ZNF654: variants seen among roughly 807,000 people sequenced by gnomAD.
ZNF654 encodes zinc finger protein 654.
A neutral mutation model predicts 95.3 loss-of-function variants in ZNF654; 19 were observed. The ratio of observed to expected loss-of-function variants is 0.20; its 90% CI spans 0.14 to 0.29. The LOEUF is 0.29. ZNF654 is among the 10% of genes least tolerant of loss of function. ZNF654 has a pLI of 1.00. For missense variants in ZNF654, 1,046 were observed against 1,341.0 expected (o/e 0.78, Z 3.44); for synonymous variants, 413 against 457.9 (o/e 0.90, Z 1.25).
intron 2 of ZNF654, among the ~76,000 whole-genome samples, chr3:88,101,495 A>G (rs1376413644): frequency 6.6e-6 from 1 of 152,134 alleles, no homozygotes; most frequent in Non-Finnish European, 1.5e-5. Context: ...AATGTTCTTG[A>G]GGTTTACCTA....
At chr3:88,078,813 T>C (rs549822151) in intron 1 of ZNF654, among the ~76,000 whole-genome samples, 1 of 152,218 alleles carries the variant, frequency 6.6e-6, no homozygotes, top group African/African-American at 2.4e-5. Context: ...ATTAGTATTA[T>C]TAACTGACTT....
intron 2 of ZNF654, among the ~76,000 whole-genome samples, chr3:88,099,295 A>T (rs1007456466): frequency 6.7e-6 from 1 of 149,900 alleles, no homozygotes; most frequent in Non-Finnish European, 1.5e-5. Context: ...GACCTCTTCA[A>T]GGAGAACTGC....
chr3:88,060,835 C>T (rs1191203413), intron 1 of ZNF654, among the ~76,000 whole-genome samples: 3 of 151,636 alleles, frequency 2.0e-5, no homozygotes, highest in South Asian at 2.1e-4. Flanking sequence ...TAAGAATTCC[C>T]TTACAAGCAT....
chr3:88,059,562 C>G, intron 1 of ZNF654, 57 bp downstream of exon 1: 1 of 1,444,768 alleles, frequency 6.9e-7, no homozygotes, highest in South Asian at 1.5e-5. Flanking sequence ...CTCTCTGCGT[C>G]TCCTGGTCTT....
At chr3:88,087,496 A>C (rs1165648511) in intron 2 of ZNF654, among the ~76,000 whole-genome samples, 1 of 152,228 alleles carries the variant, frequency 6.6e-6, no homozygotes, top group Non-Finnish European at 1.5e-5. Flanking sequence ...AAAGAAGTAA[A>C]AGAGAGAAGA....
chr3:88,136,093 C>T (rs1706767959), intron 7 of ZNF654, among the ~76,000 whole-genome samples: 2 of 152,056 alleles, frequency 1.3e-5, no homozygotes, highest in Non-Finnish European at 2.9e-5. Context: ...AAGTAAACTC[C>T]TTCCAGCAAA....
chr3:88,062,528 T>TA (rs1706943142), intron 1 of ZNF654, among the ~76,000 whole-genome samples: 1 of 152,204 alleles, frequency 6.6e-6, no homozygotes, highest in Non-Finnish European at 1.5e-5. Flanking sequence ...ATTGTCTGAC[T>TA]TGTTAAGTGC....
At chr3:88,069,327 C>A (rs1707375053) in intron 1 of ZNF654, among the ~76,000 whole-genome samples, 1 of 152,098 alleles carries the variant, frequency 6.6e-6, no homozygotes. Flanking sequence ...GAGGCTGAGG[C>A]AGGAGAATCA....
intron 1 of ZNF654, among the ~76,000 whole-genome samples, chr3:88,064,796 G>A (rs1295760990): frequency 3.3e-5 from 5 of 152,148 alleles, no homozygotes; most frequent in Non-Finnish European, 7.3e-5. Context: ...TTTCAAGTAG[G>A]ATCAGACGTA....
rs1392272773 is a variant in ZNF654 at position 88,059,268 on chromosome 3, A to G, written c.-52A>G. ...GAGGAGGAGGTTAGCCTAGGCATCT[A>G]CGGCGGCGGCGGCGGCGCAGGGGCT... On this transcript the variant is annotated 5_prime_UTR_variant, in exon 1 of 9. Coordinates refer to ENST00000636215, the MANE Select transcript of ZNF654 (RefSeq NM_001350134.2). 3.9e-6 allele frequency: 6 copies of G among 1,531,674 alleles called. No individual in the cohort carries two copies. The highest frequency in any genetic ancestry group is 4.4e-6 in the Non-Finnish European group (5 of 1,145,744). The allele number at this position is 1,531,674 out of a possible 1,614,324, so 94.9% of individuals were successfully genotyped here. A position where few individuals can be genotyped will look rare whatever the true frequency, so the allele number is the denominator to read the frequency against.
At chr3:88,126,726 C>A (rs1706128160) in intron 4 of ZNF654, among the ~76,000 whole-genome samples, 1 of 151,656 alleles carries the variant, frequency 6.6e-6, no homozygotes, top group Non-Finnish European at 1.5e-5. Flanking sequence ...TATAGCTAGC[C>A]CAGTGCTTGG....
chr3:88,125,969 G>T (rs1378533199), intron 3 of ZNF654, among the ~76,000 whole-genome samples, 165 bp from the exon 4 acceptor site: 3 of 152,102 alleles, frequency 2.0e-5, no homozygotes, highest in Non-Finnish European at 4.4e-5. Flanking sequence ...GCCTATTTGT[G>T]TTCATGGGGT....
At position 88,059,365 on chromosome 3, in the gene ZNF654, G is replaced by A. The variant is rs1706701601; in HGVS notation, c.46G>A (p.Glu16Lys). Residue 16 changes from glutamate (E) to lysine (K), a missense_variant, in exon 1 of 9, where the codon GAG becomes AAG. Glu to Lys is a moderately conservative substitution (Grantham distance 56). Transcript: ENST00000636215. ...CCAAGAGGCCGAACGCCTCGGAGAA[G>A]AGCTTGTGGCCATTGTGGAGTCCCC... ...SDQEAERLGE[E>K]LVAIVESPLG... The A allele has an allele frequency of 6.5e-7, 1 of 1,535,210 alleles. No individual in the cohort carries two copies. The highest frequency in any genetic ancestry group is 8.7e-7 in the Non-Finnish European group (1 of 1,146,738).
At chr3:88,122,028 A>G (rs190961494) in intron 3 of ZNF654, among the ~76,000 whole-genome samples, 3 of 152,292 alleles carry the variant, frequency 2.0e-5, no homozygotes, top group Non-Finnish European at 4.4e-5. Context: ...GAAGATGTCA[A>G]CACTTAAGAT....
chr3:88,084,394 A>C (rs1441565585), intron 1 of ZNF654, among the ~76,000 whole-genome samples: 1 of 152,218 alleles, frequency 6.6e-6, no homozygotes, highest in Non-Finnish European at 1.5e-5. Context: ...GAAAGGCAAT[A>C]AAGCTGGTCA....
Position 88,139,454 on chromosome 3 carries a change from TAAG to T in ZNF654, c.1790_1792del (p.Lys597del). The T allele has an allele frequency of 1.2e-6, 2 of 1,613,840 alleles. No homozygotes were observed. Among genetic ancestry groups the T allele is most frequent in the Non-Finnish European group, 1.7e-6 (2 of 1,179,814 alleles). On this transcript the variant is annotated inframe_deletion, in exon 8 of 9. Transcript: ENST00000636215. ...TGCAGAAGCATTTGAAGAATCATGT[TAAG>T]AAGATACAGAGGCAGCAAATTGCTG...
At chr3:88,082,257 G>A (rs1289564518) in intron 1 of ZNF654, among the ~76,000 whole-genome samples, 2 of 151,932 alleles carry the variant, frequency 1.3e-5, no homozygotes, top group Non-Finnish European at 1.5e-5. Flanking sequence ...CTCCCAAGTA[G>A]CTAGGACTAC....
At chr3:88,135,617 G>A (rs1706730697) in intron 7 of ZNF654, 1 of 152,608 alleles carries the variant, frequency 6.6e-6, no homozygotes, top group Non-Finnish European at 1.5e-5. Flanking sequence ...ATTCTGAGGT[G>A]TTTTTGAAAC....
chr3:88,060,529 CCATT>C (rs1446568555), intron 1 of ZNF654, among the ~76,000 whole-genome samples: 1 of 152,102 alleles, frequency 6.6e-6, no homozygotes, highest in Non-Finnish European at 1.5e-5. Flanking sequence ...TAAAATGCGT[CCATT>C]AATTTGGGTG....
Sources: gnomAD v4.1 joint callset for allele counts (sites outside exome capture counted in the v4.1 genomes callset) on GRCh38, gnomAD v4.1.1 for gene constraint, MANE v1.5 for transcripts, NCBI Gene and HGNC (gene_info 2026-07-23, HGNC 2026-07-21) for gene names.